Variants in GOLM1 observed in about 807,000 individuals in gnomAD.
The protein encoded by GOLM1 is epididymis luminal protein 46.
GOLM1 carries 31 observed loss-of-function variants against 50.5 expected under a neutral mutation model. The observed-to-expected ratio is 0.61, with a 90% CI of 0.46 to 0.83. The LOEUF is 0.83. GOLM1 is among the 40% of genes least tolerant of loss of function. The pLI is 0.00. For synonymous variants in GOLM1, 178 were observed against 192.8 expected, an observed-to-expected ratio of 0.92 and a Z score of 0.64; for missense variants, 491 against 501.3, an observed-to-expected ratio of 0.98 and a Z score of 0.20.
chr9:86,037,171 T>C (rs1444328334), intron 6 of GOLM1, among the ~76,000 whole-genome samples: 2 of 152,122 alleles, frequency 1.3e-5, no homozygotes, highest in African/African-American at 4.8e-5. Flanking sequence ...TCCCAGCACT[T>C]TGGGAGGCCG....
intron 3 of GOLM1, among the ~76,000 whole-genome samples, chr9:86,059,899 C>CAA (rs139699884): frequency 2.5e-3 from 129 of 52,212 alleles, no homozygotes; most frequent in Non-Finnish European, 3.2e-3. Flanking sequence ...GAGTCTATCT[C>CAA]AAAAAAAAAA....
chr9:86,094,294 T>C (rs1835283880), intron 1 of GOLM1, among the ~76,000 whole-genome samples: 1 of 152,242 alleles, frequency 6.6e-6, no homozygotes, highest in South Asian at 2.1e-4. Flanking sequence ...CCATAGGGTA[T>C]TGTGAGGATT....
chr9:86,027,273 A>G lies in GOLM1; in HGVS notation c.*544T>C. 7.1e-6 allele frequency: 7 copies of G among 985,526 alleles called. No homozygotes were observed. Among genetic ancestry groups the G allele is most frequent in the Non-Finnish European group, 8.4e-6 (7 of 829,982 alleles). 61.0% of individuals were successfully genotyped at this position (985,526 alleles called of 1,614,324 possible). A position where few individuals can be genotyped will look rare whatever the true frequency, so the allele number is the denominator to read the frequency against. ...TAAAGCTGTTGCTACTTTGCTAGTG[A>G]CGTTTGTGTTAACAGTCAGTGCTCT... On this transcript the variant is annotated 3_prime_UTR_variant, in exon 10 of 10. Transcript: ENST00000388712.
intron 6 of GOLM1, among the ~76,000 whole-genome samples, chr9:86,038,130 G>C (rs1450901156): frequency 5.3e-5 from 8 of 150,764 alleles, no homozygotes. Flanking sequence ...CTCCAGCCTG[G>C]GCGATAAAAG....
At chr9:86,083,282 T>C (rs367802435) in intron 1 of GOLM1, among the ~76,000 whole-genome samples, 28 of 152,254 alleles carry the variant, frequency 1.8e-4, no homozygotes, top group African/African-American at 6.8e-4. Flanking sequence ...CTTAGTACAA[T>C]ATAAATGCTA....
chr9:86,082,183 C>A (rs1232319095), intron 1 of GOLM1, among the ~76,000 whole-genome samples: 2 of 151,466 alleles, frequency 1.3e-5, no homozygotes, highest in African/African-American at 2.4e-5. Context: ...CACCTGCCAC[C>A]ACACCTGGCT....
chr9:86,095,753 ACACAGAC>A (rs1422465696), intron 1 of GOLM1, among the ~76,000 whole-genome samples: 1 of 152,160 alleles, frequency 6.6e-6, no homozygotes, highest in African/African-American at 2.4e-5. Context: ...CCCAACTCGC[ACACAGAC>A]CTACTGATAG....
intron 1 of GOLM1, among the ~76,000 whole-genome samples, chr9:86,092,431 C>A (rs1379493574): frequency 6.6e-6 from 1 of 152,232 alleles, no homozygotes; most frequent in African/African-American, 2.4e-5. Flanking sequence ...GGCTGACCTA[C>A]AGTTGCCACT....
intron 3 of GOLM1, among the ~76,000 whole-genome samples, chr9:86,057,481 C>T (rs1287441690): frequency 6.6e-6 from 1 of 152,032 alleles, no homozygotes; most frequent in Non-Finnish European, 1.5e-5. Flanking sequence ...GGAGGAGTGC[C>T]TCCCGGCTCC....
chr9:86,038,098 G>A (rs995199427), intron 6 of GOLM1, among the ~76,000 whole-genome samples: 1 of 150,820 alleles, frequency 6.6e-6, no homozygotes, highest in Admixed American at 6.6e-5. Context: ...AGGTTGTGGT[G>A]AGCCAAGATT....
chr9:86,087,011 C>A (rs534686711), intron 1 of GOLM1, among the ~76,000 whole-genome samples: 1 of 151,986 alleles, frequency 6.6e-6, no homozygotes, highest in Non-Finnish European at 1.5e-5. Flanking sequence ...AGCTTGATGG[C>A]GATAGCATTG....
chr9:86,040,973 G>A lies in GOLM1; in HGVS notation c.468-105C>T, dbSNP rs545837200. ...AGACACAGACCCTCTTCCTGCTTCA[G>A]GCACTTCATCTGAAGAGGGCACTTA... On this transcript the variant is annotated intron_variant, in intron 5 of 9. Transcript: ENST00000388712. 5.3e-5 allele frequency: 59 copies of A among 1,117,844 alleles called. 1 individual carries two copies. The South Asian group carries it at 8.3e-4, about 16-fold the overall frequency. 69.2% of individuals were successfully genotyped at this position (1,117,844 alleles called of 1,614,324 possible). A position where few individuals can be genotyped will look rare whatever the true frequency, so the allele number is the denominator to read the frequency against.
chr9:86,027,715 A>G lies in GOLM1; in HGVS notation c.*102T>C. On this transcript the variant is annotated 3_prime_UTR_variant, in exon 10 of 10. Transcript: ENST00000388712. ...TCACAATAATCATCTTCAGATGTAC[A>G]TTTTATTTAGTACATTTCACAGTTT... The G allele has an allele frequency of 6.8e-7, 1 of 1,466,324 alleles. No individual in the cohort carries two copies. Among genetic ancestry groups the G allele is most frequent in the African/African-American group, 1.4e-5 (1 of 69,546 alleles). 90.8% of individuals were successfully genotyped at this position (1,466,324 alleles called of 1,614,324 possible). A position where few individuals can be genotyped will look rare whatever the true frequency, so the allele number is the denominator to read the frequency against.
At chr9:86,052,460 TG>T in intron 4 of GOLM1, 76 bp downstream of exon 4, 1 of 1,209,024 alleles carries the variant, frequency 8.3e-7, no homozygotes, top group Non-Finnish European at 1.2e-6. Context: ...GAGACCCACC[TG>T]GGCCTAGAGA....
At chr9:86,059,621 G>A (rs895680698) in intron 3 of GOLM1, among the ~76,000 whole-genome samples, 5 of 152,102 alleles carry the variant, frequency 3.3e-5, no homozygotes, top group African/African-American at 2.4e-5. Context: ...CTGGCTGGGC[G>A]TGGTGGCTCA....
chr9:86,028,024 T>C, intron 9 of GOLM1, 131 bp from the exon 10 acceptor site: 3 of 606,096 alleles, frequency 4.9e-6, no homozygotes, highest in Non-Finnish European at 8.7e-6. Context: ...AACACTGTAA[T>C]TGGGAGTTGT....
intron 3 of GOLM1, among the ~76,000 whole-genome samples, chr9:86,070,924 G>A (rs1834430645): frequency 6.6e-6 from 1 of 152,142 alleles, no homozygotes; most frequent in South Asian, 2.1e-4. Context: ...AACGTTCTGT[G>A]GCAACAGCTA....
At chr9:86,047,427 C>T (rs547538060) in intron 4 of GOLM1, among the ~76,000 whole-genome samples, 1 of 152,312 alleles carries the variant, frequency 6.6e-6, no homozygotes, top group Non-Finnish European at 1.5e-5. Flanking sequence ...CCGTGAATTA[C>T]GATACACACA....
chr9:86,072,191 C>T (rs1275114959), intron 3 of GOLM1, among the ~76,000 whole-genome samples: 1 of 152,010 alleles, frequency 6.6e-6, no homozygotes. Flanking sequence ...AGTGGTTGTA[C>T]AGGCAGGAGG....
Sources: allele counts gnomAD v4.1 joint callset (sites outside exome capture counted in the v4.1 genomes callset), GRCh38; gene constraint gnomAD v4.1.1; transcripts MANE v1.5; gene names NCBI Gene and HGNC (gene_info 2026-07-23, HGNC 2026-07-21).